Variants in MYO1B observed in about 807,000 individuals in gnomAD.
MYO1B encodes the protein unconventional myosin-Ib.
In MYO1B, 72 loss-of-function variants were observed where a neutral mutation model predicts 159.7. The observed-to-expected ratio is 0.45, with a 90% CI of 0.37 to 0.55. The LOEUF is 0.55. Ranked by LOEUF, MYO1B falls within the 20% of genes least tolerant of loss-of-function variation. MYO1B has a pLI of 0.00. For missense variants in MYO1B, 1,062 were observed against 1,364.8 expected, an observed-to-expected ratio of 0.78 and a Z score of 3.50; for synonymous variants, 468 against 473.8, an observed-to-expected ratio of 0.99 and a Z score of 0.16.
At chr2:191,345,496 C>T (rs1051031522) in intron 5 of MYO1B, among the ~76,000 whole-genome samples, 4 of 152,150 alleles carry the variant, frequency 2.6e-5, no homozygotes, top group African/African-American at 7.2e-5. Flanking sequence ...TCTGGACCAG[C>T]GTCAACCATG....
At position 191,273,133 on chromosome 2, in the gene MYO1B, T is replaced by C. The variant is rs570966238; in HGVS notation, c.-9-3754T>C. Among the ~76,000 whole-genome samples the C allele has an allele frequency of 2.0e-5, 3 of 152,334 alleles. No homozygotes were observed. In the South Asian group the frequency reaches 6.2e-4, roughly 32 times the overall value. ...GTAATTTTCTTTTTCTCTTTTTTTC[T>C]TTTGAGACAGGGTCTCACTCTGTTG... On this transcript the variant is annotated intron_variant, in intron 1 of 30. Coordinates refer to ENST00000392318, the MANE Select transcript of MYO1B (RefSeq NM_001130158.3).
chr2:191,325,777 G>A (rs1283921709), intron 3 of MYO1B, among the ~76,000 whole-genome samples: 3 of 152,092 alleles, frequency 2.0e-5, no homozygotes, highest in Non-Finnish European at 4.4e-5. Flanking sequence ...AATAAGATGG[G>A]AGAGGAACAA....
At chr2:191,278,628 G>T (rs1288784406) in intron 2 of MYO1B, among the ~76,000 whole-genome samples, 2 of 152,218 alleles carry the variant, frequency 1.3e-5, no homozygotes, top group African/African-American at 4.8e-5. Flanking sequence ...TGTGTTTACA[G>T]TTCAGAGATG....
At chr2:191,353,589 G>A (rs886090977) in intron 7 of MYO1B, among the ~76,000 whole-genome samples, 2 of 152,094 alleles carry the variant, frequency 1.3e-5, no homozygotes, top group African/African-American at 4.8e-5. Context: ...GTGCAAATAC[G>A]GGCAGGCTCT....
chr2:191,340,696 T>C (rs1009817559), intron 4 of MYO1B, among the ~76,000 whole-genome samples: 4 of 151,872 alleles, frequency 2.6e-5, no homozygotes, highest in Non-Finnish European at 4.4e-5. Flanking sequence ...ATGAATTTGG[T>C]CTAATTATGA....
At chr2:191,316,250 C>T (rs1690341557) in intron 3 of MYO1B, among the ~76,000 whole-genome samples, 1 of 152,192 alleles carries the variant, frequency 6.6e-6, no homozygotes, top group South Asian at 2.1e-4. Context: ...ATAGATTGGT[C>T]TGCCTTCATT....
chr2:191,369,165 AT>A (rs1272194246), intron 11 of MYO1B, among the ~76,000 whole-genome samples: 3 of 152,036 alleles, frequency 2.0e-5, no homozygotes, highest in South Asian at 2.1e-4. Context: ...TCATTACCTG[AT>A]TTTCATAACC....
intron 3 of MYO1B, among the ~76,000 whole-genome samples, chr2:191,306,228 A>G (rs1689642900): frequency 6.6e-6 from 1 of 152,180 alleles, no homozygotes; most frequent in Non-Finnish European, 1.5e-5. Flanking sequence ...TTTCAGTATC[A>G]TCGTCTAGGG....
At chr2:191,416,291 G>T (rs757196100) in intron 30 of MYO1B, 49 bp downstream of exon 30, 2 of 1,609,254 alleles carry the variant, frequency 1.2e-6, no homozygotes, top group Admixed American at 3.3e-5. Flanking sequence ...CAGCTTTTTT[G>T]TTTTAGTTCA....
intron 2 of MYO1B, among the ~76,000 whole-genome samples, chr2:191,286,803 T>A (rs1157078785): frequency 6.6e-6 from 1 of 152,058 alleles, no homozygotes; most frequent in Non-Finnish European, 1.5e-5. Context: ...ATTGGTGGCA[T>A]GTACCTGTAG....
At chr2:191,282,056 G>C (rs1245055719) in intron 2 of MYO1B, among the ~76,000 whole-genome samples, 1 of 152,156 alleles carries the variant, frequency 6.6e-6, no homozygotes, top group Non-Finnish European at 1.5e-5. Flanking sequence ...ATATTGTAAA[G>C]TTAATGAAAA....
intron 1 of MYO1B, among the ~76,000 whole-genome samples, chr2:191,247,301 C>T (rs1011611421): frequency 2.0e-5 from 3 of 152,122 alleles, no homozygotes; most frequent in African/African-American, 7.2e-5. Context: ...ATTAAACCAC[C>T]CCTTTGGCCA....
At chr2:191,298,777 T>C (rs769733137) in intron 3 of MYO1B, among the ~76,000 whole-genome samples, 2 of 152,234 alleles carry the variant, frequency 1.3e-5, no homozygotes, top group Non-Finnish European at 2.9e-5. Flanking sequence ...TCTTGTGAGA[T>C]AGGCACTATT....
At chr2:191,387,619 C>A (rs894373154) in intron 17 of MYO1B, 169 bp downstream of exon 17, 2 of 643,278 alleles carry the variant, frequency 3.1e-6, no homozygotes, top group African/African-American at 3.7e-5. Context: ...CTCCACTATC[C>A]TTTCCCCTAA....
intron 24 of MYO1B, chr2:191,407,619 G>A (rs182355815): frequency 6.6e-6 from 1 of 152,268 alleles, no homozygotes; most frequent in East Asian, 1.9e-4. Context: ...TTAATGCAAT[G>A]AAATGGAAGA....
At chr2:191,342,089 A>G (rs901131556) in intron 5 of MYO1B, among the ~76,000 whole-genome samples, 5 of 152,208 alleles carry the variant, frequency 3.3e-5, no homozygotes, top group Non-Finnish European at 7.3e-5. Context: ...AACAACAGAA[A>G]CTTATTTTCT....
At chr2:191,328,712 C>T (rs940759041) in intron 3 of MYO1B, among the ~76,000 whole-genome samples, 1 of 152,192 alleles carries the variant, frequency 6.6e-6, no homozygotes, top group African/African-American at 2.4e-5. Flanking sequence ...ATCCTCTCTT[C>T]ATTATGCTTT....
At chr2:191,273,231 G>T (rs1295657769) in intron 1 of MYO1B, among the ~76,000 whole-genome samples, 1 of 152,100 alleles carries the variant, frequency 6.6e-6, no homozygotes, top group South Asian at 2.1e-4. Flanking sequence ...CAATTCTCCT[G>T]CCTCAACCTC....
At chr2:191,282,795 C>G (rs1232858664) in intron 2 of MYO1B, among the ~76,000 whole-genome samples, 1 of 152,180 alleles carries the variant, frequency 6.6e-6, no homozygotes, top group Non-Finnish European at 1.5e-5. Flanking sequence ...CACCTCCAAT[C>G]CCACTTAGAT....
Sources: allele counts gnomAD v4.1 joint callset (sites outside exome capture counted in the v4.1 genomes callset), GRCh38; gene constraint gnomAD v4.1.1; transcripts MANE v1.5; gene names NCBI Gene and HGNC (gene_info 2026-07-23, HGNC 2026-07-21).